TOGARAM2: variants seen among roughly 807,000 people sequenced by gnomAD.
The protein encoded by TOGARAM2 is TOG array regulator of axonemal microtubules protein 2.
A neutral mutation model predicts 93.3 loss-of-function variants in TOGARAM2; 85 were observed. That is an observed-to-expected ratio of 0.91 (90% confidence interval 0.76 to 1.09). The LOEUF (loss-of-function observed/expected upper bound fraction) is 1.09, where lower values mean the gene tolerates loss of function less well. TOGARAM2 is among the 50% of genes least tolerant of loss of function. The probability of loss-of-function intolerance (pLI) is 0.00; values close to 1 mark genes in which losing one functional copy is unlikely to be tolerated. For missense variants in TOGARAM2, 1,277 were observed against 1,334.5 expected (o/e 0.96, Z 0.67); for synonymous variants, 593 against 552.8 (o/e 1.07, Z -1.02).
chr2:29,028,278 C>T (rs767155633), intron 14 of TOGARAM2, among the ~76,000 whole-genome samples: 2 of 152,212 alleles, frequency 1.3e-5, no homozygotes, highest in Admixed American at 6.5e-5. Context: ...CAGACATTCT[C>T]GTAGGGTACC....
intron 1 of TOGARAM2, among the ~76,000 whole-genome samples, chr2:28,987,929 A>AGG (rs1367064050): frequency 2.6e-5 from 4 of 152,176 alleles, no homozygotes; most frequent in African/African-American, 9.6e-5. Flanking sequence ...ATGCCCCCAC[A>AGG]GGGGGTCTGA....
Position 29,010,725 on chromosome 2 carries a change from G to A in TOGARAM2, c.831-730G>A, listed in dbSNP as rs544425096. Among the ~76,000 whole-genome samples, 9 of 152,076 alleles carry A rather than the reference G, an allele frequency of 5.9e-5. No homozygotes were observed. The East Asian group carries it at 9.7e-4, about 16-fold the overall frequency. On this transcript the variant is annotated intron_variant, in intron 6 of 19. Transcript: ENST00000379558. ...GGTCTCCATGGGAACCTGAGCTCCCGGAGGGCGGGGAGTGTCATGTCTTAT... is the reference window on the plus strand; with the variant it reads ...GGTCTCCATGGGAACCTGAGCTCCCAGAGGGCGGGGAGTGTCATGTCTTAT...
At chr2:29,025,955 A>T (rs1665328069) in intron 13 of TOGARAM2, among the ~76,000 whole-genome samples, 1 of 152,102 alleles carries the variant, frequency 6.6e-6, no homozygotes, top group African/African-American at 2.4e-5. Context: ...GACACTAGGT[A>T]GGGAAGCACC....
chr2:28,998,084 C>A, intron 2 of TOGARAM2, 59 bp from the exon 3 acceptor site: 1 of 1,229,204 alleles, frequency 8.1e-7, no homozygotes, highest in Non-Finnish European at 1.1e-6. Context: ...TCTTGGTTTG[C>A]TCCCAGTCTT....
At chr2:28,970,314 C>A (rs1003730638) in intron 1 of TOGARAM2, among the ~76,000 whole-genome samples, 1 of 152,106 alleles carries the variant, frequency 6.6e-6, no homozygotes, top group Non-Finnish European at 1.5e-5. Flanking sequence ...GGGTTTTAAT[C>A]CTTTTGTGAC....
intron 6 of TOGARAM2, among the ~76,000 whole-genome samples, chr2:29,010,077 G>C (rs565857139): frequency 6.6e-6 from 1 of 151,950 alleles, no homozygotes; most frequent in East Asian, 1.9e-4. Context: ...CAGAGCGGGG[G>C]AGGCTGCAGC....
Position 29,027,008 on chromosome 2 carries a change from C to T in TOGARAM2, c.2009C>T (p.Thr670Ile), listed in dbSNP as rs1200793211. The T allele has an allele frequency of 1.3e-6, 2 of 1,557,064 alleles. No individual in the cohort carries two copies. The highest frequency in any genetic ancestry group is 1.7e-6 in the Non-Finnish European group (2 of 1,149,790). Reference protein sequence around the residue: ...VRLAQDSNQDTRFYGRKMVNI... With the variant: ...VRLAQDSNQDIRFYGRKMVNI... ...CTGGCACAGGACTCCAACCAGGACA[C>T]CAGGTAGGGCAGGGCCAGGGGCCTG... Residue 670 changes from threonine to isoleucine, a missense_variant, in exon 14 of 20, where the codon ACC (threonine) becomes ATC (isoleucine). Transcript: ENST00000379558.
chr2:29,019,421 C>T lies in TOGARAM2; in HGVS notation c.1360+1465C>T, dbSNP rs181454518. Among the ~76,000 whole-genome samples, 676 of 152,208 alleles carry T rather than the reference C, an allele frequency of 4.4e-3. 4 individuals are homozygous for T. Among genetic ancestry groups the T allele is most frequent in the African/African-American group, 0.015 (613 of 41,522 alleles). ...TCGACCTCAAGTGATTCGCCCACCT[C>T]AGCCTCCCAAATTGCTGGGATTACA... On this transcript the variant is annotated intron_variant, in intron 10 of 19. Coordinates refer to ENST00000379558, the MANE Select transcript of TOGARAM2 (RefSeq NM_199280.4).
chr2:29,004,631 TGA>T (rs61109508), intron 6 of TOGARAM2, among the ~76,000 whole-genome samples: 46,092 of 124,412 alleles, frequency 0.37, 7,218 homozygotes, highest in Middle Eastern at 0.43. Context: ...CAGGTATGTG[TGA>T]GTGTATGTGT....
In TOGARAM2 at chr2:29,036,770, C is replaced by T. The variant is rs763087285; in HGVS notation, c.2635+13C>T. The T allele has an allele frequency of 2.1e-5, 34 of 1,607,824 alleles. No homozygotes were observed. The highest frequency in any genetic ancestry group is 3.3e-4 in the Middle Eastern group (2 of 6,014). ...GTTGAGAGCCTGGGTGAGTGTCCCA[C>T]GTGGGCCTGTGTGGCTCTGGTCACC... On this transcript the variant is annotated intron_variant, in intron 18 of 19. Coordinates refer to ENST00000379558, the MANE Select transcript of TOGARAM2 (RefSeq NM_199280.4).
chr2:29,045,289 G>T (rs1353739838), intron 18 of TOGARAM2, 35 bp from the exon 19 acceptor site: 1 of 1,574,784 alleles, frequency 6.4e-7, no homozygotes. Context: ...TCAGCCCCCA[G>T]CAGTGTGGCC....
At chr2:28,977,934 T>G (rs1672061144), upstream of TOGARAM2, among the ~76,000 whole-genome samples, 1 of 150,790 alleles carries the variant, frequency 6.6e-6, no homozygotes, top group Non-Finnish European at 1.5e-5. Context: ...TGAGATGGAG[T>G]CTCATTCTGT....
At chr2:28,985,029 A>G (rs1235843687) in intron 1 of TOGARAM2, among the ~76,000 whole-genome samples, 1 of 152,210 alleles carries the variant, frequency 6.6e-6, no homozygotes, top group African/African-American at 2.4e-5. Flanking sequence ...TAGGTGTTAT[A>G]GACTGAATGC....
chr2:29,035,150 C>CTAA (rs1666008380), intron 16 of TOGARAM2, among the ~76,000 whole-genome samples: 14 of 102,522 alleles, frequency 1.4e-4, no homozygotes, highest in Admixed American at 2.0e-4. Flanking sequence ...GACTCTGCCT[C>CTAA]AAAAAAAAAA....
At chr2:28,972,171 C>A (rs572338382) in intron 1 of TOGARAM2, among the ~76,000 whole-genome samples, 1 of 152,282 alleles carries the variant, frequency 6.6e-6, no homozygotes, top group South Asian at 2.1e-4. Flanking sequence ...TCACTGCAAC[C>A]TCTGCCTCCT....
intron 18 of TOGARAM2, among the ~76,000 whole-genome samples, chr2:29,039,443 G>A (rs1366733740): frequency 6.6e-6 from 1 of 152,186 alleles, no homozygotes; most frequent in Non-Finnish European, 1.5e-5. Context: ...CTGGCATAAA[G>A]TCCAGATGGC....
intron 9 of TOGARAM2, 129 bp from the exon 10 acceptor site, chr2:29,017,663 G>T: frequency 1.1e-6 from 1 of 890,704 alleles, no homozygotes; most frequent in East Asian, 3.0e-5. Context: ...CTCCTACCTC[G>T]GACTCCCAAC....
chr2:29,026,615 G>T (rs1333073874), intron 13 of TOGARAM2, among the ~76,000 whole-genome samples: 1 of 152,238 alleles, frequency 6.6e-6, no homozygotes, highest in Non-Finnish European at 1.5e-5. Flanking sequence ...GTGTATTGGG[G>T]AACCTCGTGT....
chr2:28,959,268 A>G (rs983308025), intron 1 of TOGARAM2, among the ~76,000 whole-genome samples: 16 of 152,168 alleles, frequency 1.1e-4, no homozygotes, highest in Non-Finnish European at 1.5e-5. Context: ...ATGTCCTTAA[A>G]TAGTGAAGTA....
Sources: allele counts gnomAD v4.1 joint callset (sites outside exome capture counted in the v4.1 genomes callset), GRCh38; gene constraint gnomAD v4.1.1; transcripts MANE v1.5; gene names NCBI Gene and HGNC (gene_info 2026-07-23, HGNC 2026-07-21).